The following ICAM1 variants were observed in gnomAD, a reference collection of about 807,000 sequenced individuals.
ICAM1 encodes ICAM-1.
A neutral mutation model predicts 42.3 loss-of-function variants in ICAM1; 28 were observed. The observed-to-expected ratio is 0.66, with a 90% CI of 0.49 to 0.91. The LOEUF is 0.91. Ranked by LOEUF, ICAM1 falls within the 40% of genes least tolerant of loss-of-function variation. The pLI, the probability that ICAM1 is intolerant of heterozygous loss-of-function variation, is 0.00. For missense variants in ICAM1, 637 were observed against 688.6 expected (o/e 0.93, Z 0.84); for synonymous variants, 304 against 305.9 (o/e 0.99, Z 0.07).
In ICAM1 at chr19:10,274,788, G is replaced by C; in HGVS notation, c.91G>C (p.Val31Leu). The part of the protein sequence containing the change: ...FPGPGNAQTS[V>L]SPSKVILPRG... ...AGGACCTGGCAATGCCCAGACATCT[G>C]TGTCCCCCTCAAAAGTCATCCTGCC... Residue 31 changes from valine to leucine, a missense_variant, in exon 2 of 7, where the codon GTG becomes CTG. Physicochemically the swap from Val to Leu is conservative, Grantham distance 32. Transcript: ENST00000264832. 6.2e-7 allele frequency: 1 copy of C among 1,614,010 alleles called. No individual in the cohort carries two copies. The highest frequency in any genetic ancestry group is 2.2e-5 in the East Asian group (1 of 44,878).
At chr19:10,276,127 G>A (rs574765765) in intron 2 of ICAM1, among the ~76,000 whole-genome samples, 7 of 150,976 alleles carry the variant, frequency 4.6e-5, no homozygotes, top group East Asian at 3.9e-4. Context: ...CCAGGGGTTC[G>A]AATCCTAGGA....
chr19:10,280,547 GT>G (rs556867189), intron 2 of ICAM1, among the ~76,000 whole-genome samples: 8,495 of 143,948 alleles, frequency 0.059, 807 homozygotes, highest in African/African-American at 0.2. Context: ...AGCCCAGCTG[GT>G]TTTTTTTTTT....
intron 1 of ICAM1, 40 bp from the exon 2 acceptor site, chr19:10,274,725 G>T (rs1487092843): frequency 6.3e-7 from 1 of 1,597,398 alleles, no homozygotes; most frequent in Non-Finnish European, 8.5e-7. Context: ...TGATGAACCT[G>T]ATTTGTAATG....
At chr19:10,279,473 TTTTTTG>T (rs760129066) in intron 2 of ICAM1, among the ~76,000 whole-genome samples, 14 of 151,880 alleles carry the variant, frequency 9.2e-5, no homozygotes, top group South Asian at 4.2e-4. Context: ...ACCCAGGAAT[TTTTTTG>T]TTTTTGTTTT....
intron 2 of ICAM1, among the ~76,000 whole-genome samples, chr19:10,276,470 G>C (rs569631735): frequency 6.6e-6 from 1 of 150,912 alleles, no homozygotes; most frequent in Non-Finnish European, 1.5e-5. Context: ...GCATGAACCC[G>C]GGAGGCAGAG....
At position 10,284,321 on chromosome 19, in the gene ICAM1, G is replaced by A; in HGVS notation, c.925+1G>A. 2 of 1,613,202 alleles carry A rather than the reference G, an allele frequency of 1.2e-6. No individual in the cohort carries two copies. The highest frequency in any genetic ancestry group is 1.7e-6 in the Non-Finnish European group (2 of 1,179,854). ...ACACTGCAGACAGTGACCATCTACA[G>A]TAAGAAGGGGCAGGGGCGGAGTGGG... is the stretch of plus-strand genomic sequence containing the variant. On this transcript the variant is annotated splice_donor_variant, in intron 4 of 6. Transcript: ENST00000264832. LOFTEE classifies it high-confidence loss of function. The surrounding 1 kb of genome is among the most constrained non-coding windows in gnomAD (Gnocchi z 5.4).
Position 10,283,685 on chromosome 19 carries a change from A to C in ICAM1, c.536A>C (p.His179Pro). The C allele has an allele frequency of 6.2e-7, 1 of 1,614,002 alleles. No individual in the cohort carries two copies. The highest frequency in any genetic ancestry group is 8.5e-7 in the Non-Finnish European group (1 of 1,179,958). Residue 179 changes from histidine (H) to proline (P), a missense_variant, in exon 3 of 7, where the codon CAC becomes CCC. Physicochemically the swap from His to Pro is moderately conservative, Grantham distance 77. Coordinates refer to ENST00000264832, the MANE Select transcript of ICAM1 (RefSeq NM_000201.3). Reference sequence around the variant, plus strand: ...ACCACGGTGCTGGTGAGGAGAGATCACCATGGAGCCAATTTCTCGTGCCGC... The same window carrying C: ...ACCACGGTGCTGGTGAGGAGAGATCCCCATGGAGCCAATTTCTCGTGCCGC... ...VTTTVLVRRD[H>P]HGANFSCRTE...
intron 2 of ICAM1, 143 bp from the exon 3 acceptor site, chr19:10,283,338 C>G: frequency 1.3e-6 from 1 of 743,712 alleles, no homozygotes. Context: ...CACTGAAGAT[C>G]TTGACATTCC....
intron 2 of ICAM1, among the ~76,000 whole-genome samples, chr19:10,275,748 C>T (rs2040011750): frequency 6.8e-6 from 1 of 147,702 alleles, no homozygotes; most frequent in Non-Finnish European, 1.5e-5. Flanking sequence ...CACTCTGTCG[C>T]CCAGGCTGGA....
At chr19:10,278,546 G>GTTTTTTTTTT (rs1192848785) in intron 2 of ICAM1, among the ~76,000 whole-genome samples, 9 of 82,446 alleles carry the variant, frequency 1.1e-4, no homozygotes, top group African/African-American at 6.3e-4. Context: ...TGCCTGATAG[G>GTTTTTTTTTT]TCTTTTTTTT....
At chr19:10,283,004 C>T (rs1304622199) in intron 2 of ICAM1, 3 of 151,524 alleles carry the variant, frequency 2.0e-5, no homozygotes, top group African/African-American at 7.3e-5. Flanking sequence ...CAGAAGGAGA[C>T]TCAGTCTAAA....
chr19:10,276,163 G>A (rs1225146654), intron 2 of ICAM1, among the ~76,000 whole-genome samples: 15 of 149,482 alleles, frequency 1.0e-4, no homozygotes, highest in African/African-American at 3.2e-4. Flanking sequence ...AGGCAACATA[G>A]CAAAACCCCA....
intron 1 of ICAM1, among the ~76,000 whole-genome samples, chr19:10,272,269 A>G (rs1239832790): frequency 6.6e-6 from 1 of 152,196 alleles, no homozygotes; most frequent in Non-Finnish European, 1.5e-5. Flanking sequence ...TGGGAGACAT[A>G]GCGAGATTCT....
Position 10,284,718 on chromosome 19 carries a change from C to T in ICAM1, c.1180+61C>T. Reference sequence around the variant, plus strand: ...CAAGGCCCAATCTCCCTGAAGGTCCCATAAGGTCTTGCCTCCAAGTCCTGC... The same window carrying T: ...CAAGGCCCAATCTCCCTGAAGGTCCTATAAGGTCTTGCCTCCAAGTCCTGC... On this transcript the variant is annotated intron_variant, in intron 5 of 6. Transcript: ENST00000264832. The surrounding 1 kb of genome is among the most constrained non-coding windows in gnomAD (Gnocchi z 5.4). 4 of 1,609,342 alleles carry T rather than the reference C, an allele frequency of 2.5e-6. No individual in the cohort carries two copies. In the South Asian group the frequency reaches 4.4e-5, roughly 18 times the overall value.
chr19:10,271,744 C>T (rs546153300), intron 1 of ICAM1, among the ~76,000 whole-genome samples: 19 of 152,230 alleles, frequency 1.2e-4, no homozygotes, highest in Admixed American at 9.8e-4. Context: ...CCCCCACCCC[C>T]CTCAAGATGT....
chr19:10,279,011 C>T (rs1319835073), intron 2 of ICAM1, among the ~76,000 whole-genome samples: 1 of 152,158 alleles, frequency 6.6e-6, no homozygotes. Context: ...AGGGTGGTAC[C>T]TGAGAGAGAC....
chr19:10,271,500 C>T (rs568244202), intron 1 of ICAM1, among the ~76,000 whole-genome samples: 1 of 152,156 alleles, frequency 6.6e-6, no homozygotes, highest in South Asian at 2.1e-4. Flanking sequence ...GTCTTGAACT[C>T]CGGGGGTCTA....
chr19:10,271,264 C>T (rs750850881), intron 1 of ICAM1, 38 bp downstream of exon 1: 4 of 1,593,022 alleles, frequency 2.5e-6, no homozygotes, highest in Non-Finnish European at 3.4e-6. Flanking sequence ...GCCAGTTCTC[C>T]GAAGCCCCGG....
intron 2 of ICAM1, among the ~76,000 whole-genome samples, chr19:10,277,745 C>G (rs1478149735): frequency 6.6e-6 from 1 of 152,216 alleles, no homozygotes; most frequent in Non-Finnish European, 1.5e-5. Flanking sequence ...CTCGGCCTCC[C>G]AAAGTGCTGG....
Sources: allele counts gnomAD v4.1 joint callset (sites outside exome capture counted in the v4.1 genomes callset), GRCh38; gene constraint gnomAD v4.1.1; non-coding constraint Gnocchi (gnomAD v3.1); transcripts MANE v1.5; gene names NCBI Gene and HGNC (gene_info 2026-07-23, HGNC 2026-07-21).